TNRC18: variants seen among roughly 807,000 people sequenced by gnomAD.
The protein encoded by TNRC18 is trinucleotide repeat containing 18, also known as trinucleotide repeat-containing gene 18 protein.
Under a neutral mutation model 226.7 loss-of-function variants are expected in TNRC18, and 69 were observed. The observed-to-expected ratio is 0.30, with a 90% confidence interval of 0.25 to 0.37. TNRC18 has a LOEUF of 0.37. TNRC18 is among the 10% of genes least tolerant of loss of function. The pLI is 1.00. For synonymous variants in TNRC18, 2,449 were observed against 1,927.6 expected, an observed-to-expected ratio of 1.27 and a Z score of -7.09; for missense variants, 4,754 against 4,256.6, an observed-to-expected ratio of 1.12 and a Z score of -3.25.
At chr7:5,396,034 G>T (rs1267936586) in intron 2 of TNRC18, among the ~76,000 whole-genome samples, 2 of 149,204 alleles carry the variant, frequency 1.3e-5, no homozygotes, top group Admixed American at 6.7e-5. Flanking sequence ...AGCTGGGCGT[G>T]GTGGCGGGCA....
At chr7:5,313,957 GT>G (rs1787579223) in intron 26 of TNRC18, 94 bp from the exon 27 acceptor site, 1 of 1,263,120 alleles carries the variant, frequency 7.9e-7, no homozygotes, top group Non-Finnish European at 1.0e-6. Context: ...TGTGAGTTTT[GT>G]TTTTGTTTTT....
At chr7:5,349,615 A>G (rs1791572857) in intron 17 of TNRC18, among the ~76,000 whole-genome samples, 1 of 152,196 alleles carries the variant, frequency 6.6e-6, no homozygotes, top group African/African-American at 2.4e-5. Context: ...GCAACGAGCC[A>G]GGCTCGCACC....
rs553552273 is a variant in TNRC18 at position 5,408,258 on chromosome 7, C to T, written c.187+12802G>A. Among the ~76,000 whole-genome samples, 7 of 147,714 alleles carry T rather than the reference C, an allele frequency of 4.7e-5. No homozygotes were observed. In the South Asian group the frequency reaches 1.5e-3, roughly 31 times the overall value. On this transcript the variant is annotated intron_variant, in intron 2 of 29. Transcript: ENST00000430969. Reference sequence around the variant, plus strand: ...AGGTTGCAGCGAGCTGAGATCGTGCCACTGCACTCCAGCCTGGCGACAGAA... The same window carrying T: ...AGGTTGCAGCGAGCTGAGATCGTGCTACTGCACTCCAGCCTGGCGACAGAA...
chr7:5,363,921 A>G (rs1793346574), intron 11 of TNRC18, among the ~76,000 whole-genome samples: 1 of 152,108 alleles, frequency 6.6e-6, no homozygotes, highest in Non-Finnish European at 1.5e-5. Flanking sequence ...TCGGGAGGCT[A>G]CTGTGGGTGC....
chr7:5,362,618 G>A (rs369945500), intron 12 of TNRC18, 32 bp downstream of exon 12: 153 of 1,509,176 alleles, frequency 1.0e-4, no homozygotes, highest in Non-Finnish European at 1.2e-4. Context: ...CCTCCCCCGC[G>A]GACCCCAGGG....
At chr7:5,364,872 A>G (rs1583927225) in intron 11 of TNRC18, among the ~76,000 whole-genome samples, 1 of 151,188 alleles carries the variant, frequency 6.6e-6, no homozygotes, top group African/African-American at 2.4e-5. Context: ...TTTTCTGCTT[A>G]ATGTCTTTTC....
Position 5,374,059 on chromosome 7 carries a change from G to T in TNRC18, c.3225C>A (p.Phe1075Leu). 1 of 1,564,374 alleles carries T rather than the reference G, an allele frequency of 6.4e-7. No individual in the cohort carries two copies. The highest frequency in any genetic ancestry group is 1.2e-5 in the South Asian group (1 of 84,898). ...KEAPSPFQAL[F>L]SDIPPRYPFQ... is the part of the protein sequence containing the mutation. ...AGGGTCTCAGCTGCATCCTACCTGA[G>T]AACAGGGCCTGGAAGGGGCTGGGGG... The change falls in exon 10 of 30, where the codon TTC (phenylalanine) becomes TTA (leucine). Residue 1075 changes from phenylalanine to leucine, a missense_variant. Coordinates refer to ENST00000430969, the MANE Select transcript of TNRC18 (RefSeq NM_001080495.3).
chr7:5,412,943 T>C (rs1781936419), intron 2 of TNRC18, among the ~76,000 whole-genome samples: 1 of 152,202 alleles, frequency 6.6e-6, no homozygotes, highest in Non-Finnish European at 1.5e-5. Flanking sequence ...ACTGGTGGCC[T>C]GGGAGAGGTG....
chr7:5,376,801 G>T, intron 8 of TNRC18, 46 bp downstream of exon 8: 1 of 1,590,438 alleles, frequency 6.3e-7, no homozygotes. Context: ...ATCTCGCTGG[G>T]CATGGCCAGT....
chr7:5,369,128 A>AC (rs1391023772), intron 11 of TNRC18, among the ~76,000 whole-genome samples: 3 of 152,126 alleles, frequency 2.0e-5, no homozygotes, highest in Non-Finnish European at 2.9e-5. Context: ...CAGGCGGGTC[A>AC]CTTGAGGTCG....
chr7:5,338,356 T>C (rs57339835), intron 18 of TNRC18, among the ~76,000 whole-genome samples: 33,662 of 151,982 alleles, frequency 0.22, 4,518 homozygotes, highest in African/African-American at 0.37. Flanking sequence ...ACCACGCCAA[T>C]TGTAACCAAG....
intron 18 of TNRC18, among the ~76,000 whole-genome samples, chr7:5,342,256 C>T (rs1186725693): frequency 1.3e-5 from 2 of 152,096 alleles, no homozygotes; most frequent in Non-Finnish European, 2.9e-5. Flanking sequence ...TGGCGAAACC[C>T]TGTCTCTACT....
intron 5 of TNRC18, 23 bp downstream of exon 5, chr7:5,387,649 C>G: frequency 6.2e-7 from 1 of 1,601,346 alleles, no homozygotes; most frequent in Non-Finnish European, 8.5e-7. Flanking sequence ...CCTACCCGCA[C>G]CTGGGCTCTG....
intron 18 of TNRC18, 118 bp from the exon 19 acceptor site, chr7:5,333,167 GC>G: frequency 8.4e-7 from 1 of 1,195,240 alleles, no homozygotes; most frequent in Non-Finnish European, 1.2e-6. Flanking sequence ...CAGCGCTTCT[GC>G]CCGTTTCCAG....
At chr7:5,376,302 C>G in intron 8 of TNRC18, 78 bp from the exon 9 acceptor site, 1 of 1,250,442 alleles carries the variant, frequency 8.0e-7, no homozygotes, top group South Asian at 1.6e-5. Context: ...GAAGCTGAAG[C>G]CAGAGAGGGG....
chr7:5,364,670 G>A (rs1046360843), intron 11 of TNRC18, among the ~76,000 whole-genome samples: 4 of 150,982 alleles, frequency 2.6e-5, no homozygotes, highest in Non-Finnish European at 5.9e-5. Context: ...TGGGCATGGT[G>A]GTGACCACCT....
At chr7:5,410,037 G>A (rs542850688) in intron 2 of TNRC18, among the ~76,000 whole-genome samples, 6 of 150,798 alleles carry the variant, frequency 4.0e-5, no homozygotes, top group Non-Finnish European at 8.9e-5. Flanking sequence ...CAGATCAGAC[G>A]CAGTGGCTCA....
Position 5,307,621 on chromosome 7 carries a change from C to G in TNRC18, c.*485G>C, listed in dbSNP as rs1786677522. ...GTCAGGTAGGCCAGCTGGCATCGGG[C>G]TGCCCTGTCCCATGCACGGTGGGAG... On this transcript the variant is annotated 3_prime_UTR_variant, in exon 30 of 30. Coordinates refer to ENST00000430969, the MANE Select transcript of TNRC18 (RefSeq NM_001080495.3). The G allele has an allele frequency of 2.3e-6, 1 of 431,178 alleles. No homozygotes were observed. The highest frequency in any genetic ancestry group is 1.6e-5 in the South Asian group (1 of 61,234). 26.7% of individuals were successfully genotyped at this position (431,178 alleles called of 1,614,324 possible). A position where few individuals can be genotyped will look rare whatever the true frequency, so the allele number is the denominator to read the frequency against.
chr7:5,374,514 A>G (rs1220299055), intron 9 of TNRC18, 30 bp from the exon 10 acceptor site: 2 of 1,530,162 alleles, frequency 1.3e-6, no homozygotes, highest in Admixed American at 2.0e-5. Context: ...CAGGGTCAGC[A>G]CGGCACGAGT....
Sources: allele counts gnomAD v4.1 joint callset (sites outside exome capture counted in the v4.1 genomes callset), GRCh38; gene constraint gnomAD v4.1.1; transcripts MANE v1.5; gene names NCBI Gene and HGNC (gene_info 2026-07-23, HGNC 2026-07-21).